Variants in RPH3AL observed in about 807,000 individuals in gnomAD.
RPH3AL encodes the protein rab effector Noc2.
RPH3AL carries 38 observed loss-of-function variants against 43.1 expected under a neutral mutation model. That is an observed-to-expected ratio of 0.88 (90% CI 0.68 to 1.15). The LOEUF (loss-of-function observed/expected upper bound fraction) is 1.15. Ranked by LOEUF, RPH3AL falls within the 50% of genes most tolerant of loss-of-function variation. RPH3AL has a pLI of 0.00. For missense variants in RPH3AL, 462 were observed against 423.2 expected, an observed-to-expected ratio of 1.09 and a Z score of -0.81; for synonymous variants, 189 against 176.3, an observed-to-expected ratio of 1.07 and a Z score of -0.57.
intron 7 of RPH3AL, among the ~76,000 whole-genome samples, chr17:239,706 C>T (rs1033958309): frequency 2.0e-5 from 3 of 152,056 alleles, no homozygotes; most frequent in Non-Finnish European, 4.4e-5. Context: ...AGCTTACTGC[C>T]GCTTCAAGCT....
At chr17:335,142 G>A (rs935518989) in intron 1 of RPH3AL, among the ~76,000 whole-genome samples, 13 of 152,332 alleles carry the variant, frequency 8.5e-5, no homozygotes, top group African/African-American at 3.1e-4. Context: ...GGCTGGGGAC[G>A]CATTCCCAAG....
At position 215,817 on chromosome 17, in the gene RPH3AL, G is replaced by T; in HGVS notation, c.728-15C>A. The T allele has an allele frequency of 1.5e-6, 2 of 1,300,468 alleles. No homozygotes were observed. Among genetic ancestry groups the T allele is most frequent in the East Asian group, 3.1e-5 (1 of 31,868 alleles). The allele number at this position is 1,300,468 out of a possible 1,614,324, so 80.6% of individuals were successfully genotyped here. On this transcript the variant is annotated splice_polypyrimidine_tract_variant and intron_variant, in intron 8 of 9. Transcript: ENST00000331302. The surrounding 1 kb of genome is among the most constrained non-coding windows in gnomAD (Gnocchi z 4.1). ...CACGCTGCCACCTGTGGGAAATCAC[G>T]TGTGGGCCCCGTGGATCTCAAACCG...
At chr17:314,982 G>GA (rs1483802553) in intron 5 of RPH3AL, among the ~76,000 whole-genome samples, 114 of 8,566 alleles carry the variant, frequency 0.013, no homozygotes, top group East Asian at 0.027. Flanking sequence ...TAGTCCCTGT[G>GA]CCCCACCTCC....
chr17:299,810 A>T (rs186442200), intron 5 of RPH3AL, among the ~76,000 whole-genome samples: 31 of 152,370 alleles, frequency 2.0e-4, no homozygotes, highest in African/African-American at 7.5e-4. Flanking sequence ...ACGGCCGCTG[A>T]GTGGATTTGC....
intron 6 of RPH3AL, among the ~76,000 whole-genome samples, chr17:267,574 C>G (rs776002570): frequency 1.3e-5 from 2 of 152,250 alleles, no homozygotes; most frequent in Non-Finnish European, 2.9e-5. Context: ...TGACCCCAAT[C>G]GGCAGGGCTC....
At chr17:292,983 C>A (rs2043081513) in intron 5 of RPH3AL, among the ~76,000 whole-genome samples, 1 of 152,214 alleles carries the variant, frequency 6.6e-6, no homozygotes, top group Non-Finnish European at 1.5e-5. Flanking sequence ...GAAGGCAAGT[C>A]TCCCTGGACT....
At chr17:331,476 G>A in intron 2 of RPH3AL, 1 of 990,814 alleles carries the variant, frequency 1.0e-6, no homozygotes, top group South Asian at 1.6e-5. Flanking sequence ...CTCTGGGACG[G>A]CTGTGCACCC....
At chr17:276,146 C>T (rs1158245103) in intron 6 of RPH3AL, among the ~76,000 whole-genome samples, 1 of 152,134 alleles carries the variant, frequency 6.6e-6, no homozygotes, top group Non-Finnish European at 1.5e-5. Context: ...TTTAAAATAA[C>T]CAATGAGAAG....
intron 1 of RPH3AL, among the ~76,000 whole-genome samples, chr17:349,620 G>A (rs2045314766): frequency 6.6e-6 from 1 of 151,868 alleles, no homozygotes; most frequent in Admixed American, 6.6e-5. Flanking sequence ...CCAGGAGTTC[G>A]AGACCAACCT....
intron 5 of RPH3AL, among the ~76,000 whole-genome samples, chr17:286,937 A>ACCCTCTCTCCACCGTCAGACCTCACT (rs2042930539): frequency 6.1e-5 from 4 of 65,842 alleles, no homozygotes; most frequent in Admixed American, 1.6e-4. Flanking sequence ...CAGACCTCGC[A>ACCCTCTCTCCACCGTCAGACCTCACT]CCCTCTCTCT....
At chr17:318,116 C>T (rs2044349710) in intron 5 of RPH3AL, among the ~76,000 whole-genome samples, 1 of 152,298 alleles carries the variant, frequency 6.6e-6, no homozygotes, top group Non-Finnish European at 1.5e-5. Flanking sequence ...GGCACGGTGG[C>T]TCACGCCTGT....
At chr17:350,041 G>A (rs902622990) in intron 1 of RPH3AL, among the ~76,000 whole-genome samples, 1 of 152,164 alleles carries the variant, frequency 6.6e-6, no homozygotes, top group Non-Finnish European at 1.5e-5. Context: ...CCTTTCAGAG[G>A]TGTAGGTTTG....
Position 283,268 on chromosome 17 carries a change from A to G in RPH3AL, c.352-1414T>C, listed in dbSNP as rs1012499096. 3.9e-5 allele frequency among the ~76,000 whole-genome samples: 6 copies of G among 152,110 alleles called. No individual in the cohort carries two copies. The highest frequency in any genetic ancestry group is 3.9e-4 in the Admixed American group (6 of 15,282). On this transcript the variant is annotated intron_variant, in intron 5 of 9. Transcript: ENST00000331302. The surrounding 1 kb of genome is among the most constrained non-coding windows in gnomAD (Gnocchi z 4.2). ...TCCATGGAGAGGGAAAATGTCACCAACTTGGCTTCCACGTCGAGCGTGTCG... is the reference window on the plus strand; with the variant it reads ...TCCATGGAGAGGGAAAATGTCACCAGCTTGGCTTCCACGTCGAGCGTGTCG...
intron 6 of RPH3AL, among the ~76,000 whole-genome samples, chr17:269,019 C>T (rs1183792464): frequency 1.3e-5 from 2 of 152,132 alleles, no homozygotes; most frequent in African/African-American, 2.4e-5. Flanking sequence ...GCTGGGACTA[C>T]AGGCGCCCGC....
intron 6 of RPH3AL, among the ~76,000 whole-genome samples, chr17:265,429 G>A (rs1172224108): frequency 6.6e-6 from 1 of 152,092 alleles, no homozygotes; most frequent in Non-Finnish European, 1.5e-5. Context: ...GATAAGTATA[G>A]CTTTGAATAT....
Position 213,807 on chromosome 17 carries a change from G to A in RPH3AL, c.*45C>T. ...GTCAGGGAGGAGCCGGGCAGGGTCT[G>A]GCAGGAATCCTCCACAGGGAAGTCT... On this transcript the variant is annotated 3_prime_UTR_variant, in exon 10 of 10. Coordinates refer to ENST00000331302, the MANE Select transcript of RPH3AL (RefSeq NM_006987.4). 1 of 1,525,392 alleles carries A rather than the reference G, an allele frequency of 6.6e-7. No homozygotes were observed. The highest frequency in any genetic ancestry group is 1.1e-5 in the South Asian group (1 of 88,608). 94.5% of individuals were successfully genotyped at this position (1,525,392 alleles called of 1,614,324 possible).
chr17:315,117 G>A (rs1224217166), intron 5 of RPH3AL, among the ~76,000 whole-genome samples: 2 of 150,224 alleles, frequency 1.3e-5, no homozygotes, highest in Admixed American at 6.6e-5. Flanking sequence ...CACCTCCATT[G>A]ACCTGTAGTC....
At chr17:304,876 C>T (rs908042498) in intron 5 of RPH3AL, among the ~76,000 whole-genome samples, 2 of 145,144 alleles carry the variant, frequency 1.4e-5, no homozygotes, top group Non-Finnish European at 3.0e-5. Context: ...TAGGGGCCAG[C>T]CCCCGGTCCA....
Position 298,068 on chromosome 17 carries a change from C to T in RPH3AL, c.352-16214G>A, listed in dbSNP as rs186472876. On this transcript the variant is annotated intron_variant, in intron 5 of 9. Transcript: ENST00000331302. ...AACCCTCTAGCCACCTCTCTGCCTC[C>T]GTGCCCTGTGGCTCACACCTGGCAA... Among the ~76,000 whole-genome samples the T allele has an allele frequency of 2.0e-4, 30 of 152,324 alleles. No homozygotes were observed. In the East Asian group the frequency reaches 3.7e-3, roughly 19 times the overall value.
Sources: gnomAD v4.1 joint callset for allele counts (sites outside exome capture counted in the v4.1 genomes callset) on GRCh38, gnomAD v4.1.1 for gene constraint, Gnocchi (gnomAD v3.1) non-coding constraint, MANE v1.5 for transcripts, NCBI Gene and HGNC (gene_info 2026-07-23, HGNC 2026-07-21) for gene names.